Variants in CATSPERE observed in about 807,000 individuals in gnomAD.
The protein encoded by CATSPERE is catsper channel auxiliary subunit epsilon.
A neutral mutation model predicts 114.1 loss-of-function variants in CATSPERE; 93 were observed. The observed-to-expected ratio is 0.81, with a 90% CI of 0.69 to 0.97. The LOEUF is 0.97. Among genes scored for constraint, CATSPERE ranks in the 50% least tolerant of loss-of-function variants. CATSPERE has a pLI of 0.00. For synonymous variants in CATSPERE, 341 were observed against 384.1 expected, an observed-to-expected ratio of 0.89 and a Z score of 1.31; for missense variants, 1,058 against 1,131.6, an observed-to-expected ratio of 0.93 and a Z score of 0.93.
chr1:244,631,095 C>G (rs1019227200), intron 20 of CATSPERE, among the ~76,000 whole-genome samples: 1 of 152,088 alleles, frequency 6.6e-6, no homozygotes, highest in African/African-American at 2.4e-5. Context: ...CTAAATCTGT[C>G]TAGAAACAAC....
chr1:244,559,218 T>C (rs1210157607), intron 9 of CATSPERE, among the ~76,000 whole-genome samples: 1 of 152,236 alleles, frequency 6.6e-6, no homozygotes, highest in Non-Finnish European at 1.5e-5. Context: ...GTTTCTTCTA[T>C]AGCTCACCAT....
rs556210308 is a variant in CATSPERE, at chr1:244,508,508, A to G, written c.429+9429A>G. ...AGTAGAGATGGGGTTTCACCGTGTTAGCCAGGATGGTCTCAATACCCTGAC... is the reference window on the plus strand; with the variant it reads ...AGTAGAGATGGGGTTTCACCGTGTTGGCCAGGATGGTCTCAATACCCTGAC... On this transcript the variant is annotated intron_variant, in intron 7 of 21. Coordinates refer to ENST00000366534, the MANE Select transcript of CATSPERE (RefSeq NM_001130957.2). 1.4e-3 allele frequency among the ~76,000 whole-genome samples: 208 copies of G among 151,550 alleles called. 1 individual carries two copies. Among genetic ancestry groups the G allele is most frequent in the Middle Eastern group, 0.014 (4 of 294 alleles).
chr1:244,455,364 C>G (rs950754512), intron 1 of CATSPERE, among the ~76,000 whole-genome samples: 1 of 152,138 alleles, frequency 6.6e-6, no homozygotes. Context: ...TGCTTACCAT[C>G]TCTTTGAGAC....
Position 244,605,785 on chromosome 1 carries a change from T to C in CATSPERE, c.2394T>C (p.Thr798=), listed in dbSNP as rs375806771. ...GGGATGACTATAGCTTTAATAATAC[T>C]ATGGCACAGGTATGGCATCTTTGGA... ...HGRDDYSFNN[T]MAQSGCLHEA... Residue 798 remains threonine (T), a synonymous_variant, in exon 18 of 22, where the codon ACT becomes ACC. Transcript: ENST00000366534. The C allele has an allele frequency of 1.2e-6, 2 of 1,602,226 alleles. No individual in the cohort carries two copies. The highest frequency in any genetic ancestry group is 1.7e-6 in the Non-Finnish European group (2 of 1,169,802).
At chr1:244,518,489 G>T in intron 7 of CATSPERE, 103 bp from the exon 8 acceptor site, 1 of 723,052 alleles carries the variant, frequency 1.4e-6, no homozygotes, top group Non-Finnish European at 2.4e-6. Context: ...ACAAATGTAA[G>T]CAATGTCTTA....
chr1:244,549,838 G>C (rs1660326821), intron 8 of CATSPERE, among the ~76,000 whole-genome samples: 1 of 151,898 alleles, frequency 6.6e-6, no homozygotes, highest in Admixed American at 6.6e-5. Flanking sequence ...GTGTCTGTGA[G>C]AGTATTTCTG....
intron 14 of CATSPERE, among the ~76,000 whole-genome samples, chr1:244,590,767 C>T (rs926326609): frequency 6.6e-6 from 1 of 152,340 alleles, no homozygotes; most frequent in Admixed American, 6.5e-5. Flanking sequence ...TGTATTAGTC[C>T]TTCCTTCCCT....
rs1226725987 is a variant in CATSPERE, at chr1:244,581,868, T to C, written c.2009+14T>C. The C allele has an allele frequency of 2.5e-6, 3 of 1,190,398 alleles. No individual in the cohort carries two copies. The highest frequency in any genetic ancestry group is 2.6e-5 in the East Asian group (1 of 38,054). 73.7% of individuals were successfully genotyped at this position (1,190,398 alleles called of 1,614,324 possible). A position where few individuals can be genotyped will look rare whatever the true frequency, so the allele number is the denominator to read the frequency against. ...CTTTGAGACACAGTAAGTATAACTT[T>C]TAAAAGAACTTTCTCAGTATCAAAT... On this transcript the variant is annotated intron_variant, in intron 12 of 21. Coordinates refer to ENST00000366534, the MANE Select transcript of CATSPERE (RefSeq NM_001130957.2).
At chr1:244,539,141 C>T (rs951541013) in intron 8 of CATSPERE, among the ~76,000 whole-genome samples, 14 of 152,136 alleles carry the variant, frequency 9.2e-5, no homozygotes, top group Non-Finnish European at 1.8e-4. Flanking sequence ...TTTTGAGATA[C>T]GTCCCATCAA....
intron 8 of CATSPERE, among the ~76,000 whole-genome samples, chr1:244,522,980 C>T (rs377741390): frequency 1.3e-5 from 2 of 151,990 alleles, no homozygotes; most frequent in South Asian, 2.1e-4. Flanking sequence ...CCCTAACTCA[C>T]TTTATGAGGC....
chr1:244,532,867 G>T (rs1270364522), intron 8 of CATSPERE, among the ~76,000 whole-genome samples: 1 of 152,044 alleles, frequency 6.6e-6, no homozygotes, highest in South Asian at 2.1e-4. Flanking sequence ...GTATCTCTTA[G>T]GTCCATTTGG....
chr1:244,500,980 TG>T (rs1673949899), intron 7 of CATSPERE, among the ~76,000 whole-genome samples: 2 of 152,232 alleles, frequency 1.3e-5, no homozygotes, highest in African/African-American at 4.8e-5. Context: ...TCCATGAGCA[TG>T]GAATTTTTTC....
chr1:244,639,833 A>G (rs1675139098), intron 21 of CATSPERE, 95 bp from the exon 22 acceptor site: 1 of 1,135,144 alleles, frequency 8.8e-7, no homozygotes, highest in Non-Finnish European at 1.2e-6. Context: ...TGTCAATGGC[A>G]TAGTAGCTAG....
chr1:244,605,671 C>T, intron 17 of CATSPERE, 24 bp from the exon 18 acceptor site: 1 of 1,503,250 alleles, frequency 6.7e-7, no homozygotes, highest in Non-Finnish European at 9.3e-7. Context: ...AAACTAGTAT[C>T]TTTCTGTTTG....
At chr1:244,606,888 C>T (rs1433716252) in intron 18 of CATSPERE, among the ~76,000 whole-genome samples, 20 of 152,122 alleles carry the variant, frequency 1.3e-4, no homozygotes, top group Admixed American at 1.3e-3. Context: ...AGGCGTGAGC[C>T]ACCGTGACTG....
chr1:244,522,557 G>A (rs1392744078), intron 8 of CATSPERE, among the ~76,000 whole-genome samples: 3 of 152,076 alleles, frequency 2.0e-5, no homozygotes, highest in African/African-American at 4.8e-5. Flanking sequence ...TTGGTTTTTT[G>A]AAAGGATCAA....
At chr1:244,602,408 G>A (rs769543786) in intron 17 of CATSPERE, among the ~76,000 whole-genome samples, 3 of 152,170 alleles carry the variant, frequency 2.0e-5, no homozygotes, top group African/African-American at 4.8e-5. Context: ...GAGAATCAGC[G>A]GCAGGGGTGG....
chr1:244,575,634 G>A lies in CATSPERE; in HGVS notation c.1950+2862G>A, dbSNP rs896944158. ...GTAATCTACAACAATGTGGAGCTGC[G>A]CTTGCTGCTGTTGCTCTCTTTCTCT... On this transcript the variant is annotated intron_variant, in intron 11 of 21. Coordinates refer to ENST00000366534, the MANE Select transcript of CATSPERE (RefSeq NM_001130957.2). This position sits in a 1 kb window ranked among gnomAD's most constrained non-coding sequence, Gnocchi z 4.5. Among the ~76,000 whole-genome samples, 2 of 152,144 alleles carry A rather than the reference G, an allele frequency of 1.3e-5. No individual in the cohort carries two copies. Among genetic ancestry groups the A allele is most frequent in the South Asian group, 2.1e-4 (1 of 4,806 alleles).
chr1:244,535,026 TG>T (rs1428347532), intron 8 of CATSPERE, among the ~76,000 whole-genome samples: 1 of 152,178 alleles, frequency 6.6e-6, no homozygotes, highest in Non-Finnish European at 1.5e-5. Flanking sequence ...TGACTCTTGG[TG>T]GTCTTGGAAA....
Sources: gnomAD v4.1 joint callset for allele counts (sites outside exome capture counted in the v4.1 genomes callset) on GRCh38, gnomAD v4.1.1 for gene constraint, Gnocchi (gnomAD v3.1) non-coding constraint, MANE v1.5 for transcripts, NCBI Gene and HGNC (gene_info 2026-07-23, HGNC 2026-07-21) for gene names.